GRID2: variants seen among roughly 807,000 people sequenced by gnomAD.
GRID2 encodes the protein glutamate ionotropic receptor delta type subunit 2.
Under a neutral mutation model 114.8 loss-of-function variants are expected in GRID2, and 33 were observed. The observed-to-expected ratio is 0.29, with a 90% CI of 0.22 to 0.38. The LOEUF is 0.38. GRID2 is among the 10% of genes least tolerant of loss of function. GRID2 has a pLI of 1.00. For synonymous variants in GRID2, 505 were observed against 449.9 expected, an observed-to-expected ratio of 1.12 and a Z score of -1.55; for missense variants, 1,184 against 1,257.7, an observed-to-expected ratio of 0.94 and a Z score of 0.89.
intron 1 of GRID2, among the ~76,000 whole-genome samples, chr4:92,413,408 G>A (rs767870086): frequency 6.6e-6 from 1 of 152,136 alleles, no homozygotes; most frequent in African/African-American, 2.4e-5. Context: ...TGATGAAGAA[G>A]GTGGAAGAAG....
chr4:92,695,669 T>C (rs528726592), intron 2 of GRID2, among the ~76,000 whole-genome samples: 1 of 152,280 alleles, frequency 6.6e-6, no homozygotes, highest in African/African-American at 2.4e-5. Context: ...CTATACTGTA[T>C]CTATTACTTT....
intron 1 of GRID2, among the ~76,000 whole-genome samples, chr4:92,545,587 A>G (rs1434778108): frequency 6.6e-6 from 1 of 152,196 alleles, no homozygotes; most frequent in Non-Finnish European, 1.5e-5. Flanking sequence ...AAAGTTCAAA[A>G]TGGGAGGCAG....
At chr4:93,340,848 T>C (rs1392837653) in intron 8 of GRID2, among the ~76,000 whole-genome samples, 3 of 152,140 alleles carry the variant, frequency 2.0e-5, no homozygotes, top group Non-Finnish European at 4.4e-5. Context: ...GGGAAAGAGA[T>C]GGGAGTCTTA....
At chr4:93,012,674 A>AT (rs1387217703) in intron 2 of GRID2, among the ~76,000 whole-genome samples, 1 of 118,692 alleles carries the variant, frequency 8.4e-6, no homozygotes, top group Non-Finnish European at 1.8e-5. Flanking sequence ...TACTATAAGG[A>AT]TAAAAAAAAA....
At chr4:92,814,447 A>C (rs901390105) in intron 2 of GRID2, among the ~76,000 whole-genome samples, 1 of 152,120 alleles carries the variant, frequency 6.6e-6, no homozygotes, top group African/African-American at 2.4e-5. Context: ...GCTGATATCC[A>C]AACTTTATTT....
intron 2 of GRID2, among the ~76,000 whole-genome samples, chr4:92,792,052 C>T (rs2149365214): frequency 6.6e-6 from 1 of 151,928 alleles, no homozygotes; most frequent in South Asian, 2.1e-4. Context: ...TGAGCCGTGG[C>T]CATGACATGG....
At chr4:93,582,488 C>T (rs1236630418) in intron 13 of GRID2, among the ~76,000 whole-genome samples, 1 of 152,184 alleles carries the variant, frequency 6.6e-6, no homozygotes, top group African/African-American at 2.4e-5. Context: ...ATTCTGCCCA[C>T]CACACTGCCC....
At chr4:93,435,606 T>C (rs1404056156) in intron 10 of GRID2, among the ~76,000 whole-genome samples, 1 of 152,180 alleles carries the variant, frequency 6.6e-6, no homozygotes, top group African/African-American at 2.4e-5. Flanking sequence ...ATTCTAAAGC[T>C]TTACAGGTAT....
intron 15 of GRID2, among the ~76,000 whole-genome samples, chr4:93,770,725 T>C (rs1445714349): frequency 6.6e-6 from 1 of 152,206 alleles, no homozygotes; most frequent in Non-Finnish European, 1.5e-5. Context: ...TGCAACATTA[T>C]AGCTGAGACT....
intron 13 of GRID2, among the ~76,000 whole-genome samples, chr4:93,600,873 G>T (rs149151692): frequency 2.6e-5 from 4 of 152,218 alleles, no homozygotes; most frequent in African/African-American, 9.6e-5. Flanking sequence ...CCAGTTGGCT[G>T]TATCTGAAAA....
intron 8 of GRID2, among the ~76,000 whole-genome samples, chr4:93,264,485 G>A (rs1450409042): frequency 6.6e-6 from 1 of 151,666 alleles, no homozygotes; most frequent in African/African-American, 2.4e-5. Context: ...CAAGCTATTT[G>A]AGGATAGATT....
Position 93,556,790 on chromosome 4 carries a change from A to G in GRID2, c.2193+41379A>G, listed in dbSNP as rs541581174. Among the ~76,000 whole-genome samples the G allele has an allele frequency of 3.3e-5, 5 of 152,230 alleles. No homozygotes were observed. The South Asian group carries it at 1.0e-3, about 32-fold the overall frequency. On this transcript the variant is annotated intron_variant, in intron 13 of 15. Coordinates refer to ENST00000282020, the MANE Select transcript of GRID2 (RefSeq NM_001510.4). ...CGAGAAAAACAACCCCAAGACACAT[A>G]CTCATGAGATCCACCAAGGTAGAAG... is the stretch of plus-strand genomic sequence containing the variant.
At position 92,874,987 on chromosome 4, in the gene GRID2, G is replaced by C. The variant is rs368219351; in HGVS notation, c.245-210008G>C. On this transcript the variant is annotated intron_variant, in intron 2 of 15. Coordinates refer to ENST00000282020, the MANE Select transcript of GRID2 (RefSeq NM_001510.4). Reference sequence around the variant, plus strand: ...AACATTTGTTTTAGGCAGAATTCAAGTGTGTATCCATAAAATCAGTAACAT... The same window carrying C: ...AACATTTGTTTTAGGCAGAATTCAACTGTGTATCCATAAAATCAGTAACAT... 2.6e-3 allele frequency among the ~76,000 whole-genome samples: 402 copies of C among 152,122 alleles called. 5 individuals are homozygous for C. Among genetic ancestry groups the C allele is most frequent in the Middle Eastern group, 3.4e-3 (1 of 292 alleles).
chr4:92,341,788 G>A (rs545126489), intron 1 of GRID2, among the ~76,000 whole-genome samples: 65 of 151,886 alleles, frequency 4.3e-4, no homozygotes, highest in African/African-American at 1.5e-3. Flanking sequence ...GGTGGCGGGC[G>A]CCTGTAGTCC....
intron 2 of GRID2, among the ~76,000 whole-genome samples, chr4:92,950,020 A>G (rs1490453463): frequency 1.3e-5 from 2 of 152,110 alleles, no homozygotes; most frequent in Non-Finnish European, 2.9e-5. Flanking sequence ...ACCTATTTTT[A>G]TATAACTATT....
intron 8 of GRID2, among the ~76,000 whole-genome samples, chr4:93,337,162 T>C (rs1759176128): frequency 6.6e-6 from 1 of 152,192 alleles, no homozygotes. Context: ...TTGCCTGAGA[T>C]AAACACGAAG....
In GRID2 at chr4:93,283,956, T is replaced by C. The variant is rs542837769; in HGVS notation, c.1245+45466T>C. ...ATTGTGTGTCATAGAAGTATATTAA[T>C]GGTTACACTATGTAGTTCCAAGTGT... is the stretch of plus-strand genomic sequence containing the variant. On this transcript the variant is annotated intron_variant, in intron 8 of 15. Coordinates refer to ENST00000282020, the MANE Select transcript of GRID2 (RefSeq NM_001510.4). Among the ~76,000 whole-genome samples, 10 of 152,230 alleles carry C rather than the reference T, an allele frequency of 6.6e-5. No individual in the cohort carries two copies. The East Asian group carries it at 1.9e-3, about 29-fold the overall frequency.
intron 8 of GRID2, among the ~76,000 whole-genome samples, chr4:93,384,757 T>C (rs1415838815): frequency 1.3e-5 from 2 of 152,218 alleles, no homozygotes; most frequent in African/African-American, 4.8e-5. Context: ...CTGCATTATT[T>C]CTTGCTGCAT....
chr4:93,633,338 A>G (rs1404951420), intron 14 of GRID2, among the ~76,000 whole-genome samples: 1 of 151,982 alleles, frequency 6.6e-6, no homozygotes, highest in African/African-American at 2.4e-5. Flanking sequence ...TATTCAAAAA[A>G]TTATTCAAAA....
Sources: allele counts gnomAD v4.1 joint callset (sites outside exome capture counted in the v4.1 genomes callset), GRCh38; gene constraint gnomAD v4.1.1; transcripts MANE v1.5; gene names NCBI Gene and HGNC (gene_info 2026-07-23, HGNC 2026-07-21).